Variants in ADGRL2 observed in about 807,000 individuals in gnomAD.
The protein encoded by ADGRL2 is calcium-independent alpha-latrotoxin receptor 2.
Under a neutral mutation model 157.4 loss-of-function variants are expected in ADGRL2, and 44 were observed. The ratio of observed to expected loss-of-function variants is 0.28; its 90% CI spans 0.22 to 0.36. The LOEUF (loss-of-function observed/expected upper bound fraction) is 0.36, where lower values mean the gene tolerates loss of function less well. Ranked by LOEUF, ADGRL2 falls within the 10% of genes least tolerant of loss-of-function variation. ADGRL2 has a pLI of 1.00. For missense variants in ADGRL2, 1,510 were observed against 1,768.9 expected (o/e 0.85, Z 2.63); for synonymous variants, 585 against 624.7 (o/e 0.94, Z 0.95).
chr1:81,626,524 T>A (rs1204429195), intron 3 of ADGRL2, among the ~76,000 whole-genome samples: 2 of 152,186 alleles, frequency 1.3e-5, no homozygotes, highest in Admixed American at 1.3e-4. Flanking sequence ...TCTGCCCCCC[T>A]CGGCTTCCCA....
intron 1 of ADGRL2, among the ~76,000 whole-genome samples, chr1:81,836,287 G>A (rs2092276577): frequency 2.0e-5 from 3 of 152,184 alleles, no homozygotes; most frequent in Middle Eastern, 3.4e-3. Context: ...TGAAGAAACT[G>A]TAAGATGTTC....
intron 3 of ADGRL2, among the ~76,000 whole-genome samples, chr1:81,594,393 A>G (rs2081191730): frequency 6.6e-6 from 1 of 152,248 alleles, no homozygotes; most frequent in African/African-American, 2.4e-5. Flanking sequence ...ATCAAACATT[A>G]ACTAAGAAAA....
intron 1 of ADGRL2, among the ~76,000 whole-genome samples, chr1:81,395,557 A>G (rs997175797): frequency 2.0e-5 from 3 of 152,132 alleles, no homozygotes; most frequent in Non-Finnish European, 4.4e-5. Flanking sequence ...AGTTTGATAT[A>G]TAACCCCGTT....
intron 3 of ADGRL2, among the ~76,000 whole-genome samples, chr1:81,642,759 A>C (rs2082245564): frequency 1.3e-5 from 2 of 152,220 alleles, no homozygotes; most frequent in African/African-American, 4.8e-5. Context: ...CCAGGTATGC[A>C]AAACCGATTA....
chr1:81,400,566 C>T (rs1203849496), intron 1 of ADGRL2, among the ~76,000 whole-genome samples: 1 of 152,062 alleles, frequency 6.6e-6, no homozygotes, highest in South Asian at 2.1e-4. Flanking sequence ...ACCTGAGAAC[C>T]TGAGCCAATA....
At chr1:81,846,403 T>G (rs1202175032) in intron 2 of ADGRL2, among the ~76,000 whole-genome samples, 1 of 107,570 alleles carries the variant, frequency 9.3e-6, no homozygotes, top group Non-Finnish European at 2.2e-5. Flanking sequence ...AAAGCATGAC[T>G]GTAGAGATAG....
At chr1:81,518,346 G>A (rs1471806873) in intron 2 of ADGRL2, among the ~76,000 whole-genome samples, 2 of 151,970 alleles carry the variant, frequency 1.3e-5, no homozygotes, top group African/African-American at 4.8e-5. Flanking sequence ...AATACACATC[G>A]AACACTCCAA....
intron 1 of ADGRL2, among the ~76,000 whole-genome samples, chr1:81,825,434 C>T (rs1214546181): frequency 1.3e-5 from 2 of 151,944 alleles, no homozygotes; most frequent in African/African-American, 4.8e-5. Flanking sequence ...CTGCAACCTC[C>T]ACCTCCCAGG....
intron 2 of ADGRL2, among the ~76,000 whole-genome samples, chr1:81,535,887 A>T (rs977065907): frequency 2.6e-5 from 4 of 152,204 alleles, no homozygotes; most frequent in South Asian, 4.1e-4. Flanking sequence ...AAAAAACCTA[A>T]CATTTAAACA....
At chr1:81,954,486 A>G (rs1332937663) in intron 10 of ADGRL2, among the ~76,000 whole-genome samples, 1 of 152,218 alleles carries the variant, frequency 6.6e-6, no homozygotes, top group Non-Finnish European at 1.5e-5. Context: ...GCTGACTTAC[A>G]CTATGCAAAT....
intron 1 of ADGRL2, among the ~76,000 whole-genome samples, chr1:81,387,461 G>T (rs2101091061): frequency 6.6e-6 from 1 of 152,142 alleles, no homozygotes; most frequent in East Asian, 1.9e-4. Flanking sequence ...TTGTATTTAT[G>T]ATTTGTTTTC....
Position 81,969,164 on chromosome 1 carries a change from C to A in ADGRL2, c.2524-14C>A, listed in dbSNP as rs748127614. On this transcript the variant is annotated splice_polypyrimidine_tract_variant and intron_variant, in intron 14 of 23. Coordinates refer to ENST00000686636, the MANE Select transcript of ADGRL2 (RefSeq NM_001366006.2). ...GCAGGAATACTAATGTTCCTCATATCTTTTTATTTTCAGTATAAAGATGGC... is the reference window on the plus strand; with the variant it reads ...GCAGGAATACTAATGTTCCTCATATATTTTTATTTTCAGTATAAAGATGGC... 1.3e-6 allele frequency: 2 copies of A among 1,587,758 alleles called. No individual in the cohort carries two copies. The highest frequency in any genetic ancestry group is 1.3e-5 in the African/African-American group (1 of 74,320).
intron 2 of ADGRL2, among the ~76,000 whole-genome samples, chr1:81,898,246 T>C (rs1295869649): frequency 6.6e-6 from 1 of 152,234 alleles, no homozygotes; most frequent in African/African-American, 2.4e-5. Flanking sequence ...TGCAACAGTT[T>C]CATATTTCTG....
At chr1:81,549,183 A>G (rs1015624646) in intron 2 of ADGRL2, among the ~76,000 whole-genome samples, 1 of 152,238 alleles carries the variant, frequency 6.6e-6, no homozygotes, top group Non-Finnish European at 1.5e-5. Flanking sequence ...ACATGCTGGA[A>G]GACCTAATCC....
intron 2 of ADGRL2, among the ~76,000 whole-genome samples, chr1:81,861,497 G>T (rs2093386677): frequency 6.6e-6 from 1 of 152,198 alleles, no homozygotes; most frequent in Non-Finnish European, 1.5e-5. Flanking sequence ...GACTAAAGGT[G>T]TTACCGTGCA....
intron 1 of ADGRL2, among the ~76,000 whole-genome samples, chr1:81,830,449 C>A (rs1326817495): frequency 6.6e-6 from 1 of 152,170 alleles, no homozygotes; most frequent in African/African-American, 2.4e-5. Flanking sequence ...TATAGCACTT[C>A]ACAAAACTTC....
intron 1 of ADGRL2, among the ~76,000 whole-genome samples, chr1:81,420,247 G>T (rs1179968182): frequency 6.6e-6 from 1 of 152,024 alleles, no homozygotes; most frequent in Non-Finnish European, 1.5e-5. Context: ...TCAGCATATT[G>T]GATACTATCC....
chr1:81,767,743 G>C (rs2086188539), intron 2 of ADGRL2, among the ~76,000 whole-genome samples: 1 of 151,474 alleles, frequency 6.6e-6, no homozygotes, highest in Non-Finnish European at 1.5e-5. Context: ...ATGGTGGCAA[G>C]TGCCTGTAGT....
chr1:81,361,957 T>A (rs1172090894), intron 1 of ADGRL2, among the ~76,000 whole-genome samples: 1 of 151,880 alleles, frequency 6.6e-6, no homozygotes, highest in African/African-American at 2.4e-5. Context: ...AGAAACAAAT[T>A]CCTGGTTAGT....
Sources: allele counts gnomAD v4.1 joint callset (sites outside exome capture counted in the v4.1 genomes callset), GRCh38; gene constraint gnomAD v4.1.1; transcripts MANE v1.5; gene names NCBI Gene and HGNC (gene_info 2026-07-23, HGNC 2026-07-21).